The following FILIP1L variants were observed in gnomAD, a reference collection of about 807,000 sequenced individuals.
FILIP1L encodes the protein filamin A interacting protein 1 like.
FILIP1L carries 55 observed loss-of-function variants against 96.6 expected under a neutral mutation model. The observed-to-expected ratio is 0.57, with a 90% CI of 0.46 to 0.71. The LOEUF (loss-of-function observed/expected upper bound fraction) is 0.71, where lower values mean the gene tolerates loss of function less well. Ranked by LOEUF, FILIP1L falls within the 30% of genes least tolerant of loss-of-function variation. The pLI, the probability that FILIP1L is intolerant of heterozygous loss-of-function variation, is 0.00. For synonymous variants in FILIP1L, 467 were observed against 473.9 expected (o/e 0.99, Z 0.19); for missense variants, 1,304 against 1,321.2 (o/e 0.99, Z 0.20).
At chr3:99,885,348 C>A (rs1377883646) in intron 4 of FILIP1L, among the ~76,000 whole-genome samples, 1 of 152,218 alleles carries the variant, frequency 6.6e-6, no homozygotes, top group Admixed American at 6.5e-5. Flanking sequence ...TCTTCAAATG[C>A]TGATGCATTC....
At chr3:99,870,060 G>A (rs1944713866) in intron 4 of FILIP1L, among the ~76,000 whole-genome samples, 1 of 152,170 alleles carries the variant, frequency 6.6e-6, no homozygotes, top group South Asian at 2.1e-4. Context: ...GATATAATCA[G>A]TAGCTTTTAT....
At chr3:100,022,400 G>A (rs191723323) in intron 1 of FILIP1L, among the ~76,000 whole-genome samples, 11 of 152,238 alleles carry the variant, frequency 7.2e-5, no homozygotes, top group East Asian at 3.9e-4. Context: ...TGCTTGTTAC[G>A]GCACAACTCT....
At chr3:99,871,325 A>G (rs937804323) in intron 4 of FILIP1L, among the ~76,000 whole-genome samples, 3 of 152,154 alleles carry the variant, frequency 2.0e-5, no homozygotes, top group Non-Finnish European at 4.4e-5. Context: ...TTTTGTATCA[A>G]ATAAGCAGCT....
chr3:99,873,337 G>T (rs996353823), intron 4 of FILIP1L, among the ~76,000 whole-genome samples: 1 of 152,206 alleles, frequency 6.6e-6, no homozygotes, highest in Non-Finnish European at 1.5e-5. Context: ...ATAAGGTAGG[G>T]TGTATTAGAT....
At position 100,023,553 on chromosome 3, in the gene FILIP1L, G is replaced by A. The variant is rs1158165298; in HGVS notation, c.-11+90500C>T. 4 of 152,542 alleles carry A rather than the reference G, an allele frequency of 2.6e-5. No individual in the cohort carries two copies. The East Asian group carries it at 7.7e-4, about 29-fold the overall frequency. The allele number at this position is 152,542 out of a possible 1,614,324, so 9.4% of individuals were successfully genotyped here. A position where few individuals can be genotyped will look rare whatever the true frequency, so the allele number is the denominator to read the frequency against. On this transcript the variant is annotated intron_variant, in intron 1 of 5. Transcript: ENST00000477258. ...TGGTATGAGACTAAAACAGTTTCTT[G>A]GGGGGAGAGAACATTTTTGTAAACA... is the stretch of plus-strand genomic sequence containing the variant.
chr3:99,901,480 C>T (rs976958011), intron 4 of FILIP1L, among the ~76,000 whole-genome samples: 1 of 152,170 alleles, frequency 6.6e-6, no homozygotes, highest in African/African-American at 2.4e-5. Flanking sequence ...CAAAATGCCT[C>T]AGAATGAAAC....
chr3:99,874,952 TCA>T lies in FILIP1L; in HGVS notation c.606-23884_606-23883del, dbSNP rs1705435924. ...ACTAAAATGCCAGCATTTTAAAATC[TCA>T]GAGTAAATATAAATGGCAGCCTATG... On this transcript the variant is annotated intron_variant, in intron 4 of 5. Transcript: ENST00000477258. Among the ~76,000 whole-genome samples, 3 of 152,204 alleles carry T rather than the reference TCA, an allele frequency of 2.0e-5. No individual in the cohort carries two copies. The South Asian group carries it at 6.2e-4, about 32-fold the overall frequency.
At chr3:100,047,744 T>A (rs866720612) in intron 1 of FILIP1L, among the ~76,000 whole-genome samples, 2 of 152,036 alleles carry the variant, frequency 1.3e-5, no homozygotes, top group Admixed American at 6.5e-5. Flanking sequence ...TCATTTCACC[T>A]CTCTTAGCCT....
chr3:99,885,253 C>T (rs1705855399), intron 4 of FILIP1L, among the ~76,000 whole-genome samples: 1 of 152,202 alleles, frequency 6.6e-6, no homozygotes, highest in Non-Finnish European at 1.5e-5. Context: ...TTTCAGCCTA[C>T]TTATTTGTAT....
intron 1 of FILIP1L, chr3:100,010,030 A>G (rs1559723965): frequency 5.4e-6 from 1 of 183,514 alleles, no homozygotes; most frequent in Non-Finnish European, 1.0e-5. Flanking sequence ...ATTGTCCATC[A>G]GTTGTTAAGA....
intron 1 of FILIP1L, among the ~76,000 whole-genome samples, chr3:100,048,916 T>C (rs2065323234): frequency 6.6e-6 from 1 of 152,230 alleles, no homozygotes; most frequent in African/African-American, 2.4e-5. Flanking sequence ...CTTGGACAGT[T>C]ATGGAAAAGC....
chr3:100,028,398 T>A (rs546268143), intron 1 of FILIP1L, among the ~76,000 whole-genome samples: 66 of 152,322 alleles, frequency 4.3e-4, no homozygotes, highest in African/African-American at 1.5e-3. Flanking sequence ...GTTATTGCTA[T>A]ATTCCAGGCA....
intron 1 of FILIP1L, among the ~76,000 whole-genome samples, chr3:99,954,855 G>A (rs1201113054): frequency 6.6e-6 from 1 of 151,920 alleles, no homozygotes; most frequent in Non-Finnish European, 1.5e-5. Context: ...AGTCACAACA[G>A]ACTGTTAGGA....
At chr3:100,026,428 T>G (rs1312879860) in intron 1 of FILIP1L, among the ~76,000 whole-genome samples, 1 of 152,076 alleles carries the variant, frequency 6.6e-6, no homozygotes, top group African/African-American at 2.4e-5. Flanking sequence ...GGCCAGTGTC[T>G]TGTCTCGATG....
At chr3:99,936,673 C>T (rs911769244) in intron 1 of FILIP1L, among the ~76,000 whole-genome samples, 2 of 149,360 alleles carry the variant, frequency 1.3e-5, no homozygotes, top group African/African-American at 5.0e-5. Flanking sequence ...GCGCCCAGCC[C>T]GCTTGAAGCC....
intron 1 of FILIP1L, among the ~76,000 whole-genome samples, chr3:99,988,971 T>C (rs1312463095): frequency 6.6e-6 from 1 of 152,220 alleles, no homozygotes; most frequent in Non-Finnish European, 1.5e-5. Context: ...GTAGTGTGAC[T>C]GTGTCTATAC....
At chr3:100,040,422 A>T (rs1411906707) in intron 1 of FILIP1L, 2 of 152,212 alleles carry the variant, frequency 1.3e-5, no homozygotes, top group Non-Finnish European at 2.9e-5. Flanking sequence ...TTTAATATAG[A>T]TGAGTACACA....
chr3:99,888,096 T>C lies in FILIP1L; in HGVS notation c.605+36134A>G, dbSNP rs562741202. On this transcript the variant is annotated intron_variant, in intron 4 of 5. Transcript: ENST00000477258. ...GGTACTATCTTCGGACAATTGGTGA[T>C]GTGGAGCAGCATCTATTGAAAAATT... Among the ~76,000 whole-genome samples, 6 of 152,316 alleles carry C rather than the reference T, an allele frequency of 3.9e-5. No homozygotes were observed. The South Asian group carries it at 1.2e-3, about 32-fold the overall frequency.
At chr3:99,930,102 G>A (rs1707430131) in intron 2 of FILIP1L, 73 bp from the exon 3 acceptor site, 1 of 1,244,324 alleles carries the variant, frequency 8.0e-7, no homozygotes, top group Non-Finnish European at 1.1e-6. Flanking sequence ...TTTTGTGATA[G>A]TTGGCAGTGC....
Sources: allele counts gnomAD v4.1 joint callset (sites outside exome capture counted in the v4.1 genomes callset), GRCh38; gene constraint gnomAD v4.1.1; transcripts MANE v1.5; gene names NCBI Gene and HGNC (gene_info 2026-07-23, HGNC 2026-07-21).